The following CNTN1 variants were observed in gnomAD, a reference collection of about 807,000 sequenced individuals.
The protein encoded by CNTN1 is contactin-1.
A neutral mutation model predicts 126.4 loss-of-function variants in CNTN1; 38 were observed. That is an observed-to-expected ratio of 0.30 (90% CI 0.23 to 0.39). CNTN1 has a LOEUF of 0.39. CNTN1 is among the 10% of genes least tolerant of loss of function. The pLI, the probability that CNTN1 is intolerant of heterozygous loss-of-function variation, is 1.00. For synonymous variants in CNTN1, 413 were observed against 422.6 expected, an observed-to-expected ratio of 0.98 and a Z score of 0.28; for missense variants, 1,009 against 1,248.4, an observed-to-expected ratio of 0.81 and a Z score of 2.89.
At chr12:40,713,982 T>C (rs1941988208) in intron 1 of CNTN1, among the ~76,000 whole-genome samples, 1 of 152,056 alleles carries the variant, frequency 6.6e-6, no homozygotes, top group Admixed American at 6.6e-5. Flanking sequence ...CCCTGGTGGG[T>C]AACTGGGATT....
chr12:40,848,288 C>T (rs1026421149), intron 1 of CNTN1, among the ~76,000 whole-genome samples: 1 of 152,170 alleles, frequency 6.6e-6, no homozygotes, highest in African/African-American at 2.4e-5. Context: ...ATTACTATTT[C>T]CCCCAATTTC....
At chr12:41,018,100 AAAT>A (rs935630016) in intron 19 of CNTN1, among the ~76,000 whole-genome samples, 51 of 150,778 alleles carry the variant, frequency 3.4e-4, no homozygotes, top group Non-Finnish European at 4.6e-4. Context: ...CAAAAAAAAA[AAAT>A]AATAATAATA....
At chr12:41,007,526 G>C (rs1948532646) in intron 17 of CNTN1, among the ~76,000 whole-genome samples, 1 of 152,204 alleles carries the variant, frequency 6.6e-6, no homozygotes, top group Non-Finnish European at 1.5e-5. Flanking sequence ...AGGCAGAAGA[G>C]AAGTGAAAGA....
chr12:40,903,315 G>T (rs1318586399), intron 1 of CNTN1, among the ~76,000 whole-genome samples: 1 of 151,918 alleles, frequency 6.6e-6, no homozygotes, highest in Non-Finnish European at 1.5e-5. Context: ...TCCTGCTTCT[G>T]GTCCTTCTGT....
intron 15 of CNTN1, among the ~76,000 whole-genome samples, chr12:40,960,409 G>A (rs185746705): frequency 3.6e-4 from 54 of 152,014 alleles, no homozygotes; most frequent in Non-Finnish European, 5.7e-4. Flanking sequence ...AATGATATTT[G>A]TGGCTTGTTT....
intron 1 of CNTN1, among the ~76,000 whole-genome samples, chr12:40,702,653 C>T (rs1941631037): frequency 6.6e-6 from 1 of 152,106 alleles, no homozygotes; most frequent in Admixed American, 6.5e-5. Context: ...CCAGGCTGGT[C>T]GTGAACTCCT....
intron 1 of CNTN1, among the ~76,000 whole-genome samples, chr12:40,814,351 G>A (rs1400688214): frequency 3.3e-5 from 5 of 152,052 alleles, no homozygotes; most frequent in African/African-American, 1.2e-4. Context: ...GAGTCTTTAA[G>A]CCATCTTGAG....
intron 23 of CNTN1, among the ~76,000 whole-genome samples, chr12:41,060,673 C>T (rs1392223020): frequency 3.9e-5 from 6 of 152,148 alleles, no homozygotes; most frequent in Non-Finnish European, 7.3e-5. Context: ...ACCTAATAAA[C>T]TGGCTCTGGT....
intron 1 of CNTN1, among the ~76,000 whole-genome samples, chr12:40,836,263 A>C (rs1178305411): frequency 6.8e-6 from 1 of 147,988 alleles, no homozygotes; most frequent in Non-Finnish European, 1.5e-5. Context: ...ATTATAATAC[A>C]TATAATATGT....
intron 23 of CNTN1, among the ~76,000 whole-genome samples, chr12:41,064,385 T>C (rs1286501765): frequency 2.6e-5 from 4 of 152,072 alleles, no homozygotes; most frequent in Non-Finnish European, 5.9e-5. Flanking sequence ...ACAGAAAAAC[T>C]CAGTATGCCC....
chr12:40,947,780 TATACACAC>T (rs1266509214), intron 14 of CNTN1, among the ~76,000 whole-genome samples: 17 of 67,602 alleles, frequency 2.5e-4, no homozygotes, highest in South Asian at 1.7e-3. Flanking sequence ...TATATATATA[TATACACAC>T]ACACACACAC....
intron 1 of CNTN1, among the ~76,000 whole-genome samples, chr12:40,844,235 T>C (rs1223020946): frequency 6.6e-6 from 1 of 151,508 alleles, no homozygotes; most frequent in African/African-American, 2.4e-5. Flanking sequence ...GCCCAGCTAA[T>C]TTTTGTATTT....
chr12:40,762,368 A>G (rs1463641919), intron 1 of CNTN1, among the ~76,000 whole-genome samples: 3 of 131,866 alleles, frequency 2.3e-5, no homozygotes, highest in Non-Finnish European at 3.2e-5. Context: ...AAAAATCATG[A>G]TGATAAGACA....
At chr12:40,992,139 C>G (rs1948109627) in intron 16 of CNTN1, among the ~76,000 whole-genome samples, 1 of 152,002 alleles carries the variant, frequency 6.6e-6, no homozygotes, top group South Asian at 2.1e-4. Flanking sequence ...AAATCCATAA[C>G]AAAATAAGAA....
chr12:40,812,252 G>A (rs888492658), intron 1 of CNTN1, among the ~76,000 whole-genome samples: 2 of 151,960 alleles, frequency 1.3e-5, no homozygotes, highest in African/African-American at 4.8e-5. Context: ...TACTTAATAT[G>A]ATTTCAAGCT....
chr12:41,045,969 G>C (rs1324298027), intron 23 of CNTN1, among the ~76,000 whole-genome samples: 1 of 152,048 alleles, frequency 6.6e-6, no homozygotes, highest in Admixed American at 6.6e-5. Flanking sequence ...GAAGAGTGAA[G>C]GTTATTGAAG....
intron 1 of CNTN1, among the ~76,000 whole-genome samples, chr12:40,875,520 G>A (rs936357182): frequency 1.3e-5 from 2 of 151,846 alleles, no homozygotes; most frequent in Non-Finnish European, 2.9e-5. Context: ...ATTCCAAAAG[G>A]TTGCATACTA....
chr12:40,897,829 C>A (rs1230269229), intron 1 of CNTN1, among the ~76,000 whole-genome samples: 1 of 152,208 alleles, frequency 6.6e-6, no homozygotes, highest in East Asian at 1.9e-4. Flanking sequence ...CTTCATAAAC[C>A]AAAGCACTTA....
chr12:41,041,195 C>A (rs1246501263), intron 23 of CNTN1, among the ~76,000 whole-genome samples: 1 of 150,158 alleles, frequency 6.7e-6, no homozygotes, highest in African/African-American at 2.5e-5. Flanking sequence ...GTCTTTGGTT[C>A]TGTTTATATG....
Sources: gnomAD v4.1 joint callset for allele counts (sites outside exome capture counted in the v4.1 genomes callset) on GRCh38, gnomAD v4.1.1 for gene constraint, MANE v1.5 for transcripts, NCBI Gene and HGNC (gene_info 2026-07-23, HGNC 2026-07-21) for gene names.